GSTA1: variants seen among roughly 807,000 people sequenced by gnomAD.
GSTA1 encodes glutathione S-transferase A1.
A neutral mutation model predicts 21.5 loss-of-function variants in GSTA1; 23 were observed. The observed-to-expected ratio is 1.07, with a 90% CI of 0.77 to 1.52. The LOEUF is 1.52. Among genes scored for constraint, GSTA1 ranks in the 40% most tolerant of loss-of-function variants. GSTA1 has a pLI of 0.00. For synonymous variants in GSTA1, 125 were observed against 90.0 expected (o/e 1.39, Z -2.20); for missense variants, 301 against 264.2 (o/e 1.14, Z -0.96).
chr6:52,800,007 C>T (rs1162045913), intron 1 of GSTA1, among the ~76,000 whole-genome samples: 2 of 152,206 alleles, frequency 1.3e-5, no homozygotes, highest in African/African-American at 2.4e-5. Flanking sequence ...CAAAATCTAT[C>T]AACAGACAGA....
chr6:52,799,292 C>G lies in GSTA1; in HGVS notation c.-25G>C. The stretch of plus-strand genomic sequence containing the variant: ...TGATAGCAGTCTCCTGGAGGTTTCT[C>G]TAAGCCTGAATGAATGAATGAATGA... On this transcript the variant is annotated 5_prime_UTR_variant, in exon 2 of 7. Transcript: ENST00000334575. 1 of 1,576,482 alleles carries G rather than the reference C, an allele frequency of 6.3e-7. No homozygotes were observed. Among genetic ancestry groups the G allele is most frequent in the South Asian group, 1.1e-5 (1 of 87,766 alleles).
intron 3 of GSTA1, 124 bp downstream of exon 3, chr6:52,797,462 T>C: frequency 1.5e-6 from 1 of 662,880 alleles, no homozygotes. Context: ...TTTTAACCAC[T>C]TTCTCCCTCT....
rs144416403 is a variant in GSTA1, at chr6:52,792,887, G to C, written c.515C>G (p.Ser172Cys). 39 of 1,613,928 alleles carry C rather than the reference G, an allele frequency of 2.4e-5. No homozygotes were observed. The highest frequency in any genetic ancestry group is 3.3e-5 in the Admixed American group (2 of 59,994). ...CAGAGGGAAGCTGGAGATAAGACTG[G>C]AGTCAAGCTCCTCGACGTAGTAGAG... ...ELLYYVEELD[S>C]SLISSFPLLK... Residue 172 changes from serine (S) to cysteine (C), a missense_variant, in exon 6 of 7, where the codon TCC (serine) becomes TGC (cysteine). Ser to Cys is a moderately radical substitution (Grantham distance 112). Coordinates refer to ENST00000334575, the MANE Select transcript of GSTA1 (RefSeq NM_145740.5).
chr6:52,793,410 C>T (rs1293482037), intron 5 of GSTA1, among the ~76,000 whole-genome samples: 2 of 152,164 alleles, frequency 1.3e-5, no homozygotes, highest in African/African-American at 4.8e-5. Context: ...TGACAACACT[C>T]TTCCCCAGGA....
At chr6:52,801,177 G>A (rs1383529698) in intron 1 of GSTA1, among the ~76,000 whole-genome samples, 1 of 152,170 alleles carries the variant, frequency 6.6e-6, no homozygotes, top group Middle Eastern at 3.4e-3. Context: ...CACTGCACCC[G>A]GCCTCAACTA....
At chr6:52,793,980 T>A (rs1340083500) in intron 5 of GSTA1, 145 bp downstream of exon 5, 1 of 971,454 alleles carries the variant, frequency 1.0e-6, no homozygotes, top group Non-Finnish European at 1.6e-6. Context: ...TCTATTTTCA[T>A]AAAATGCCTT....
intron 1 of GSTA1, among the ~76,000 whole-genome samples, chr6:52,801,143 A>G (rs1325614338): frequency 6.6e-6 from 1 of 152,160 alleles, no homozygotes; most frequent in Non-Finnish European, 1.5e-5. Flanking sequence ...AGCCTCCCGA[A>G]GTGCTGGGAT....
intron 1 of GSTA1, among the ~76,000 whole-genome samples, chr6:52,800,173 T>C (rs1475152802): frequency 1.3e-5 from 2 of 152,250 alleles, no homozygotes; most frequent in Non-Finnish European, 2.9e-5. Context: ...GTCATTCTTC[T>C]AAACTTCTCT....
At chr6:52,797,239 C>G (rs1355559950) in intron 3 of GSTA1, among the ~76,000 whole-genome samples, 2 of 152,172 alleles carry the variant, frequency 1.3e-5, no homozygotes, top group Non-Finnish European at 2.9e-5. Context: ...CTCCTTTTGT[C>G]TAATGCATGT....
At position 52,791,746 on chromosome 6, in the gene GSTA1, AAG is replaced by A; in HGVS notation, c.*110_*111del. ...ATTATTTAATTAGCATATAATTTGA[AAG>A]AGTTCATTAGCTTCACAACAGGCAC... On this transcript the variant is annotated 3_prime_UTR_variant, in exon 7 of 7. Transcript: ENST00000334575. The A allele has an allele frequency of 2.4e-6, 3 of 1,253,178 alleles. No individual in the cohort carries two copies. Among genetic ancestry groups the A allele is most frequent in the Non-Finnish European group, 3.4e-6 (3 of 884,116 alleles). 77.6% of individuals were successfully genotyped at this position (1,253,178 alleles called of 1,614,324 possible). A position where few individuals can be genotyped will look rare whatever the true frequency, so the allele number is the denominator to read the frequency against.
At position 52,791,965 on chromosome 6, in the gene GSTA1, T is replaced by C; in HGVS notation, c.562A>G (p.Ile188Val). The change falls in exon 7 of 7, where the codon ATC becomes GTC. Residue 188 changes from isoleucine to valine, a missense_variant. Ile to Val is a conservative substitution (Grantham distance 29). Transcript: ENST00000334575. Reference protein sequence around the residue: ...FPLLKALKTRISNLPTVKKFL... With the variant: ...FPLLKALKTRVSNLPTVKKFL... The stretch of plus-strand genomic sequence containing the variant: ...TTCTTCACTGTGGGCAGGTTGCTGA[T>C]TCTGGTTTTCAGGGCCTGTAATTCA... The C allele has an allele frequency of 3.1e-6, 5 of 1,613,990 alleles. No individual in the cohort carries two copies. The highest frequency in any genetic ancestry group is 4.2e-6 in the Non-Finnish European group (5 of 1,179,862).
chr6:52,794,258 A>T lies in GSTA1; in HGVS notation c.281T>A (p.Met94Lys), dbSNP rs1386227867. ...KDIKERALID[M>K]YIEGIADLGE... ...CAAATCTGCTATACCTTCTATATACATATCAATCCTGAAAGACAGAAACAA... is the reference window on the plus strand; with the variant it reads ...CAAATCTGCTATACCTTCTATATACTTATCAATCCTGAAAGACAGAAACAA... The change falls in exon 5 of 7, where the codon ATG becomes AAG. Residue 94 changes from methionine to lysine, a missense_variant. Physicochemically the swap from Met to Lys is moderately conservative, Grantham distance 95. Coordinates refer to ENST00000334575, the MANE Select transcript of GSTA1 (RefSeq NM_145740.5). 1.2e-6 allele frequency: 2 copies of T among 1,610,736 alleles called. No individual in the cohort carries two copies. Among genetic ancestry groups the T allele is most frequent in the East Asian group, 2.2e-5 (1 of 44,852 alleles).
At chr6:52,803,759 G>A (rs2127310623) in intron 1 of GSTA1, 26 bp downstream of exon 1, 1 of 180,432 alleles carries the variant, frequency 5.5e-6, no homozygotes, top group Non-Finnish European at 1.2e-5. Context: ...AGGCAATGTA[G>A]AGAAATTTAT....
chr6:52,800,884 T>A (rs943139441), intron 1 of GSTA1, among the ~76,000 whole-genome samples: 1 of 152,188 alleles, frequency 6.6e-6, no homozygotes, highest in African/African-American at 2.4e-5. Context: ...TATTTATTTA[T>A]TTATTATTAA....
At chr6:52,801,867 G>A (rs182452349) in intron 1 of GSTA1, among the ~76,000 whole-genome samples, 1 of 152,122 alleles carries the variant, frequency 6.6e-6, no homozygotes, top group Non-Finnish European at 1.5e-5. Flanking sequence ...TAAAGCACCT[G>A]TCTCATGCTG....
chr6:52,793,106 A>C lies in GSTA1; in HGVS notation c.415-119T>G, dbSNP rs558168806. On this transcript the variant is annotated intron_variant, in intron 5 of 6. Transcript: ENST00000334575. ...CTCTGTTGCCTTACTGCATGGGTGC[A>C]GAAATCCAGAGCTTTCTCCACATTA... is the stretch of plus-strand genomic sequence containing the variant. 589 of 1,353,276 alleles carry C rather than the reference A, an allele frequency of 4.4e-4. 5 individuals are homozygous for C. The South Asian group carries it at 6.9e-3, about 16-fold the overall frequency. 83.8% of individuals were successfully genotyped at this position (1,353,276 alleles called of 1,614,324 possible).
At chr6:52,800,154 T>C (rs1045578160) in intron 1 of GSTA1, among the ~76,000 whole-genome samples, 61 of 152,238 alleles carry the variant, frequency 4.0e-4, no homozygotes, top group Non-Finnish European at 5.0e-4. Flanking sequence ...CAACATCAGT[T>C]ACACACTGGT....
At chr6:52,800,806 A>T (rs2127308039) in intron 1 of GSTA1, among the ~76,000 whole-genome samples, 1 of 152,360 alleles carries the variant, frequency 6.6e-6, no homozygotes. Flanking sequence ...TAACATTAAG[A>T]TTCTTCTTGC....
At chr6:52,801,105 G>C (rs184088980) in intron 1 of GSTA1, among the ~76,000 whole-genome samples, 1 of 152,018 alleles carries the variant, frequency 6.6e-6, no homozygotes, top group African/African-American at 2.4e-5. Context: ...GGTCTGGAAC[G>C]CCTGACCTCA....
Sources: gnomAD v4.1 joint callset for allele counts (sites outside exome capture counted in the v4.1 genomes callset) on GRCh38, gnomAD v4.1.1 for gene constraint, MANE v1.5 for transcripts, NCBI Gene and HGNC (gene_info 2026-07-23, HGNC 2026-07-21) for gene names.